EGFL7: variants seen among roughly 807,000 people sequenced by gnomAD.
The protein encoded by EGFL7 is EGF like domain multiple 7, also known as epidermal growth factor-like protein 7.
Under a neutral mutation model 37.1 loss-of-function variants are expected in EGFL7, and 48 were observed. The observed-to-expected ratio is 1.29, with a 90% CI of 1.03 to 1.65. The LOEUF is 1.65. Ranked by LOEUF, EGFL7 falls within the 40% of genes most tolerant of loss-of-function variation. The pLI is 0.00. For synonymous variants in EGFL7, 180 were observed against 156.8 expected, an observed-to-expected ratio of 1.15 and a Z score of -1.10; for missense variants, 384 against 378.9, an observed-to-expected ratio of 1.01 and a Z score of -0.11.
At chr9:136,661,646 G>A (rs543972852), upstream of EGFL7, among the ~76,000 whole-genome samples, 6 of 152,318 alleles carry the variant, frequency 3.9e-5, no homozygotes, top group South Asian at 2.1e-4. Flanking sequence ...ACAGCCTGGC[G>A]CCCAGAGCAG....
At chr9:136,670,510 C>T in intron 8 of EGFL7, 180 bp downstream of exon 8, 1 of 865,218 alleles carries the variant, frequency 1.2e-6, no homozygotes, top group Non-Finnish European at 1.9e-6. Flanking sequence ...GGGCAGGTTG[C>T]CCGGAGCCTC....
chr9:136,669,746 C>T (rs372392231), intron 6 of EGFL7, 25 bp downstream of exon 6: 38 of 1,538,604 alleles, frequency 2.5e-5, no homozygotes, highest in East Asian at 4.7e-5. Flanking sequence ...CCTCGGCGCC[C>T]GGTGTTAGGA....
intron 5 of EGFL7, among the ~76,000 whole-genome samples, chr9:136,669,388 G>T (rs1845689756): frequency 6.6e-6 from 1 of 152,240 alleles, no homozygotes; most frequent in Non-Finnish European, 1.5e-5. Context: ...TGCGGAGTGT[G>T]GCTGGGCCTT....
At chr9:136,661,764 T>A (rs898401248), upstream of EGFL7, among the ~76,000 whole-genome samples, 1 of 152,110 alleles carries the variant, frequency 6.6e-6, no homozygotes, top group African/African-American at 2.4e-5. Flanking sequence ...GTGGGGAATT[T>A]CCCCAGCTGC....
At chr9:136,670,517 C>A in intron 8 of EGFL7, 187 bp downstream of exon 8, 2 of 849,520 alleles carry the variant, frequency 2.4e-6, no homozygotes, top group East Asian at 2.5e-5. Flanking sequence ...TTGCCCGGAG[C>A]CTCATATCAG....
Position 136,671,022 on chromosome 9 carries a change from AT to A in EGFL7, c.636+10del, listed in dbSNP as rs1453707902. 8.5e-5 allele frequency: 29 copies of A among 340,092 alleles called. No homozygotes were observed. Among genetic ancestry groups the A allele is most frequent in the East Asian group, 2.9e-4 (2 of 6,942 alleles). 21.1% of individuals were successfully genotyped at this position (340,092 alleles called of 1,614,324 possible). On this transcript the variant is annotated intron_variant, in intron 9 of 10. Transcript: ENST00000308874. ...GTGGACCTGCTGGAGGAGGTGAGGC[AT>A]TGGTGGGGGGGGGGGGGGGCAGGCA...
At chr9:136,671,866 C>G (rs1684863676) in intron 9 of EGFL7, 60 bp from the exon 10 acceptor site, 1 of 1,444,354 alleles carries the variant, frequency 6.9e-7, no homozygotes, top group South Asian at 1.4e-5. Context: ...CCTCCCTAGA[C>G]CCCGGTGGAG....
chr9:136,667,854 G>A (rs1845571278), intron 3 of EGFL7, among the ~76,000 whole-genome samples: 1 of 152,130 alleles, frequency 6.6e-6, no homozygotes, highest in Non-Finnish European at 1.5e-5. Context: ...CATAGACTGG[G>A]GTGCAAACTC....
chr9:136,662,552 A>T (rs1365299061), upstream of EGFL7, among the ~76,000 whole-genome samples: 1 of 152,074 alleles, frequency 6.6e-6, no homozygotes, highest in East Asian at 1.9e-4. Flanking sequence ...TGGCCCAAAG[A>T]TGCAGCAGCT....
In EGFL7 at chr9:136,668,558, C is replaced by G; in HGVS notation, c.82C>G (p.Arg28Gly). Residue 28 changes from arginine (R) to glycine (G), a missense_variant and splice_region_variant, in exon 5 of 11, where the codon CGT (arginine) becomes GGT (glycine). Physicochemically the swap from Arg to Gly is moderately radical, Grantham distance 125. Coordinates refer to ENST00000308874, the MANE Select transcript of EGFL7 (RefSeq NM_016215.5). ...GGTEHAYRPG[R>G]RVCAVRAHGD... ...CTGACCCCCTCTCCACCCCCGCAGC[C>G]GTAGGGTGTGTGCTGTCCGGGCTCA... The G allele has an allele frequency of 6.2e-7, 1 of 1,608,648 alleles. No individual in the cohort carries two copies. Among genetic ancestry groups the G allele is most frequent in the South Asian group, 1.1e-5 (1 of 91,068 alleles).
At chr9:136,664,966 A>C (rs1201755878) in intron 3 of EGFL7, among the ~76,000 whole-genome samples, 181 bp downstream of exon 3, 1 of 152,194 alleles carries the variant, frequency 6.6e-6, no homozygotes, top group Non-Finnish European at 1.5e-5. Context: ...CCACGACCTC[A>C]CCGTCACTAG....
rs1422630301 is a variant in EGFL7 at position 136,668,305 on chromosome 9, T to C, written c.23T>C (p.Leu8Pro). ...GCCATGAGGGGCTCTCAGGAGGTGC[T>C]GCTGATGTGGCTTCTGGTGTTGGCA... MRGSQEV[L>P]LMWLLVLAVG... Residue 8 changes from leucine (L) to proline (P), a missense_variant, in exon 4 of 11, where the codon CTG becomes CCG. Physicochemically the swap from Leu to Pro is moderately conservative, Grantham distance 98. Transcript: ENST00000308874. 6.2e-7 allele frequency: 1 copy of C among 1,608,434 alleles called. No individual in the cohort carries two copies. Among genetic ancestry groups the C allele is most frequent in the East Asian group, 2.2e-5 (1 of 44,812 alleles).
At chr9:136,668,741 A>C in intron 5 of EGFL7, 68 bp downstream of exon 5, 5 of 1,331,456 alleles carry the variant, frequency 3.8e-6, no homozygotes, top group Non-Finnish European at 5.3e-6. Context: ...TCAGCATGTC[A>C]GGGGCGAGGC....
chr9:136,661,164 G>A (rs1342067697), upstream of EGFL7, among the ~76,000 whole-genome samples: 1 of 152,180 alleles, frequency 6.6e-6, no homozygotes, highest in Non-Finnish European at 1.5e-5. Flanking sequence ...ACTGACTGCT[G>A]TGCTTACAGC....
intron 7 of EGFL7, 48 bp downstream of exon 7, chr9:136,670,057 T>A: frequency 6.3e-7 from 1 of 1,590,282 alleles, no homozygotes; most frequent in East Asian, 2.2e-5. Context: ...CCTGGGCACC[T>A]CCTTGCATGT....
At chr9:136,664,075 T>C (rs1366048745) in intron 2 of EGFL7, among the ~76,000 whole-genome samples, 1 of 152,010 alleles carries the variant, frequency 6.6e-6, no homozygotes, top group Admixed American at 6.5e-5. Context: ...GGCCCCACTC[T>C]GAACACTTCA....
chr9:136,670,200 CTG>C lies in EGFL7; in HGVS notation c.443_444del (p.Cys148SerfsTer135). On this transcript the variant is annotated frameshift_variant, in exon 8 of 11. Coordinates refer to ENST00000308874, the MANE Select transcript of EGFL7 (RefSeq NM_016215.5). LOFTEE classifies it high-confidence loss of function. ...ATGAATGCAGTGCTAGGAGGGGCGG[CTG>C]TCCCCAGCGCTGCGTCAACACCGCC... The part of the protein sequence containing the change: ...VDECSARRGG[C>X]PQRCVNTAGS... The C allele has an allele frequency of 6.2e-7, 1 of 1,612,618 alleles. No individual in the cohort carries two copies. The highest frequency in any genetic ancestry group is 8.5e-7 in the Non-Finnish European group (1 of 1,179,834).
upstream of EGFL7, among the ~76,000 whole-genome samples, chr9:136,659,979 G>A (rs1289601908): frequency 1.3e-5 from 2 of 152,176 alleles, no homozygotes; most frequent in African/African-American, 2.4e-5. Flanking sequence ...CTGTGGGGCT[G>A]GAGCCTGGGC....
At position 136,666,768 on chromosome 9, in the gene EGFL7, A is replaced by G. The variant is rs542335711; in HGVS notation, c.-42-1473A>G. The stretch of plus-strand genomic sequence containing the variant: ...CTTCCTTCCCGGGTCCCACTCCCCA[A>G]TGTCCCCCGACTTCGAGTCTTGCCT... On this transcript the variant is annotated intron_variant, in intron 3 of 10. Transcript: ENST00000308874. The surrounding 1 kb of genome is among the most constrained non-coding windows in gnomAD (Gnocchi z 6.8). Among the ~76,000 whole-genome samples the G allele has an allele frequency of 5.3e-5, 8 of 152,032 alleles. No homozygotes were observed. The highest frequency in any genetic ancestry group is 1.9e-4 in the East Asian group (1 of 5,172).
Sources: gnomAD v4.1 joint callset for allele counts (sites outside exome capture counted in the v4.1 genomes callset) on GRCh38, gnomAD v4.1.1 for gene constraint, Gnocchi (gnomAD v3.1) non-coding constraint, MANE v1.5 for transcripts, NCBI Gene and HGNC (gene_info 2026-07-23, HGNC 2026-07-21) for gene names.